The following PTPRN2 variants were observed in gnomAD, a reference collection of about 807,000 sequenced individuals.
PTPRN2 encodes protein tyrosine phosphatase receptor type N2, also known as receptor-type tyrosine-protein phosphatase N2.
A neutral mutation model predicts 118.8 loss-of-function variants in PTPRN2; 74 were observed. The observed-to-expected ratio is 0.62, with a 90% CI of 0.52 to 0.76. PTPRN2 has a LOEUF of 0.76. PTPRN2 is among the 30% of genes least tolerant of loss of function. The probability of loss-of-function intolerance (pLI) is 0.00; values close to 1 mark genes in which losing one functional copy is unlikely to be tolerated. For synonymous variants in PTPRN2, 641 were observed against 608.0 expected (o/e 1.05, Z -0.80); for missense variants, 1,481 against 1,394.4 (o/e 1.06, Z -0.99).
At chr7:158,135,424 T>C (rs1387274081) in intron 8 of PTPRN2, among the ~76,000 whole-genome samples, 1 of 151,654 alleles carries the variant, frequency 6.6e-6, no homozygotes, top group Non-Finnish European at 1.5e-5. Flanking sequence ...ACTTAAATTG[T>C]GTTTCATGTG....
At chr7:158,061,510 G>A (rs1207699417) in intron 11 of PTPRN2, among the ~76,000 whole-genome samples, 6 of 152,374 alleles carry the variant, frequency 3.9e-5, no homozygotes, top group African/African-American at 1.2e-4. Flanking sequence ...CATCATTGAG[G>A]AGAGACCAGC....
intron 11 of PTPRN2, among the ~76,000 whole-genome samples, chr7:158,069,959 G>A (rs1811078368): frequency 6.6e-6 from 1 of 152,240 alleles, no homozygotes; most frequent in Admixed American, 6.5e-5. Flanking sequence ...CAGTCAATGA[G>A]TCGTCCAAAG....
chr7:157,679,340 T>C (rs1203272197), intron 13 of PTPRN2, among the ~76,000 whole-genome samples: 2 of 152,210 alleles, frequency 1.3e-5, no homozygotes, highest in Non-Finnish European at 2.9e-5. Context: ...TGAAAGTTAA[T>C]ACACCCAATT....
chr7:157,775,852 G>C lies in PTPRN2; in HGVS notation c.1789-92915C>G, dbSNP rs904338668. Reference sequence around the variant, plus strand: ...TGGCGTGGCCAGAACTGTGTTTCTTGAGTTGTTTGAGCCGTTTCTGTTCAT... The same window carrying C: ...TGGCGTGGCCAGAACTGTGTTTCTTCAGTTGTTTGAGCCGTTTCTGTTCAT... On this transcript the variant is annotated intron_variant, in intron 12 of 22. Transcript: ENST00000389418. Among the ~76,000 whole-genome samples the C allele has an allele frequency of 6.6e-5, 10 of 152,222 alleles. No individual in the cohort carries two copies. In the South Asian group the frequency reaches 1.5e-3, roughly 22 times the overall value.
rs753838133 is a variant in PTPRN2 at position 157,676,350 on chromosome 7, C to T, written c.2001+6375G>A. On this transcript the variant is annotated intron_variant, in intron 13 of 22. Coordinates refer to ENST00000389418, the MANE Select transcript of PTPRN2 (RefSeq NM_002847.5). The surrounding 1 kb of genome is among the most constrained non-coding windows in gnomAD (Gnocchi z 5.6). ...CCACCCACCACCTGGCCCAGCCCCT[C>T]CTCTGTCATCTCCAAGGATTTGATT... 3.3e-5 allele frequency among the ~76,000 whole-genome samples: 5 copies of T among 152,200 alleles called. No homozygotes were observed. Among genetic ancestry groups the T allele is most frequent in the Non-Finnish European group, 5.9e-5 (4 of 68,024 alleles).
intron 11 of PTPRN2, among the ~76,000 whole-genome samples, chr7:157,989,513 G>C (rs1804079278): frequency 1.7e-5 from 2 of 117,118 alleles, no homozygotes; most frequent in African/African-American, 6.8e-5. Context: ...GCGGAGTCTT[G>C]TGGGGGGCAC....
chr7:158,440,727 G>GGTGATGATGACA (rs1816944768), intron 2 of PTPRN2, among the ~76,000 whole-genome samples: 1 of 149,112 alleles, frequency 6.7e-6, no homozygotes, highest in Non-Finnish European at 1.5e-5. Context: ...TGAAGGTGGT[G>GGTGATGATGACA]GTGATGATGA....
intron 11 of PTPRN2, among the ~76,000 whole-genome samples, chr7:157,919,740 C>T (rs1455208790): frequency 6.6e-6 from 1 of 152,106 alleles, no homozygotes. Flanking sequence ...CTTATAAGCC[C>T]TTAAGACCAT....
At chr7:157,931,076 A>C (rs553107449) in intron 11 of PTPRN2, among the ~76,000 whole-genome samples, 1 of 152,218 alleles carries the variant, frequency 6.6e-6, no homozygotes, top group South Asian at 2.1e-4. Context: ...AGCTGCAGCC[A>C]GACGAGGTTT....
At chr7:158,134,195 G>A (rs1350058452) in intron 8 of PTPRN2, 136 bp from the exon 9 acceptor site, 25 of 977,624 alleles carry the variant, frequency 2.6e-5, no homozygotes, top group East Asian at 1.0e-4. Context: ...GGAGGAAGGC[G>A]AAGTGTGTGC....
At chr7:157,934,140 C>T (rs111859773) in intron 11 of PTPRN2, among the ~76,000 whole-genome samples, 2,062 of 152,282 alleles carry the variant, frequency 0.014, 62 homozygotes, top group African/African-American at 0.047. Flanking sequence ...TCCATCTTGC[C>T]GCTGGTGACG....
intron 9 of PTPRN2, among the ~76,000 whole-genome samples, chr7:158,122,765 G>A (rs1817274971): frequency 1.3e-5 from 2 of 152,314 alleles, no homozygotes; most frequent in South Asian, 2.1e-4. Flanking sequence ...AAGCTCAAAC[G>A]GAACACTTTA....
chr7:157,707,274 C>G (rs1181672747), intron 12 of PTPRN2, among the ~76,000 whole-genome samples: 2 of 151,952 alleles, frequency 1.3e-5, no homozygotes, highest in African/African-American at 2.4e-5. Context: ...CACATACACA[C>G]AGACACATAC....
chr7:157,580,670 G>A (rs192708915), intron 17 of PTPRN2, among the ~76,000 whole-genome samples: 806 of 44,070 alleles, frequency 0.018, 15 homozygotes, highest in African/African-American at 0.07. Context: ...CTGAACACCC[G>A]AGCCCCTGCA....
chr7:157,819,223 G>A (rs962224439), intron 12 of PTPRN2, among the ~76,000 whole-genome samples: 2 of 152,292 alleles, frequency 1.3e-5, no homozygotes, highest in Non-Finnish European at 2.9e-5. Flanking sequence ...CCAGGGACGC[G>A]CTCATTTGGC....
chr7:158,323,333 C>T lies in PTPRN2; in HGVS notation c.164-6401G>A, dbSNP rs540405301. Among the ~76,000 whole-genome samples the T allele has an allele frequency of 1.2e-4, 18 of 152,124 alleles. No individual in the cohort carries two copies. The South Asian group carries it at 3.7e-3, about 32-fold the overall frequency. ...CTCCAATCTCAGGGACTCAGTGAAC[C>T]AGGGGGCCCCACATTTCAGAGTTCT... On this transcript the variant is annotated intron_variant, in intron 2 of 22. Transcript: ENST00000389418.
intron 2 of PTPRN2, among the ~76,000 whole-genome samples, chr7:158,462,161 C>A (rs1819055395): frequency 7.8e-6 from 1 of 127,434 alleles, no homozygotes; most frequent in South Asian, 2.7e-4. Flanking sequence ...TCCCAACACT[C>A]GCCCTATATC....
At chr7:158,372,134 T>A (rs7797114) in intron 2 of PTPRN2, among the ~76,000 whole-genome samples, 119,587 of 151,774 alleles carry the variant, frequency 0.79, 47,787 homozygotes, top group East Asian at 0.99. Flanking sequence ...CCAGCAGCTC[T>A]AAGAGGTCCC....
intron 10 of PTPRN2, among the ~76,000 whole-genome samples, chr7:158,095,649 CT>C (rs1248204705): frequency 4.6e-5 from 7 of 152,176 alleles, no homozygotes; most frequent in Admixed American, 4.6e-4. Context: ...AAATAAGCCC[CT>C]GTTATGGGCC....
Sources: allele counts gnomAD v4.1 joint callset (sites outside exome capture counted in the v4.1 genomes callset), GRCh38; gene constraint gnomAD v4.1.1; non-coding constraint Gnocchi (gnomAD v3.1); transcripts MANE v1.5; gene names NCBI Gene and HGNC (gene_info 2026-07-23, HGNC 2026-07-21).